The following FAH variants were observed in gnomAD, a reference collection of about 807,000 sequenced individuals.
FAH encodes the protein fumarylacetoacetase.
In FAH, 47 loss-of-function variants were observed where a neutral mutation model predicts 55.8. The observed-to-expected ratio is 0.84, with a 90% CI of 0.67 to 1.07. The LOEUF (loss-of-function observed/expected upper bound fraction) is 1.07, where lower values mean the gene tolerates loss of function less well. Among genes scored for constraint, FAH ranks in the 50% least tolerant of loss-of-function variants. The probability of loss-of-function intolerance (pLI) is 0.00; values close to 1 mark genes in which losing one functional copy is unlikely to be tolerated. For missense variants in FAH, 495 were observed against 545.9 expected, an observed-to-expected ratio of 0.91 and a Z score of 0.93; for synonymous variants, 199 against 207.7, an observed-to-expected ratio of 0.96 and a Z score of 0.36.
chr15:80,177,629 GA>G (rs780465806), intron 11 of FAH, 46 bp downstream of exon 11: 1 of 1,552,656 alleles, frequency 6.4e-7, no homozygotes, highest in Admixed American at 1.7e-5. Flanking sequence ...TTGAGGGAAA[GA>G]GAGACTTTTC....
At chr15:80,170,310 A>G (rs1256345048) in intron 7 of FAH, among the ~76,000 whole-genome samples, 1 of 152,148 alleles carries the variant, frequency 6.6e-6, no homozygotes, top group East Asian at 1.9e-4. Flanking sequence ...CTGATGGTGT[A>G]GAAGAAGCTG....
chr15:80,186,142 G>A lies in FAH; in HGVS notation c.1193G>A (p.Gly398Glu), dbSNP rs141946827. 1.7e-4 allele frequency: 275 copies of A among 1,614,016 alleles called. No individual in the cohort carries two copies. Among genetic ancestry groups the A allele is most frequent in the Non-Finnish European group, 2.3e-4 (268 of 1,179,982 alleles). The change falls in exon 14 of 14, where the codon GGG (glycine) becomes GAG (glutamate). Residue 398 changes from glycine (G) to glutamate (E), a missense_variant. Physicochemically the swap from Gly to Glu is moderately conservative, Grantham distance 98. Transcript: ENST00000561421. ...TCCTCTGTTCCAGGGTACTGCCAGG[G>A]GGATGGTTACCGCATCGGCTTTGGC... Reference protein sequence around the residue: ...DEVIITGYCQGDGYRIGFGQC... With the variant: ...DEVIITGYCQEDGYRIGFGQC...
intron 9 of FAH, 25 bp from the exon 10 acceptor site, chr15:80,174,991 T>C: frequency 6.2e-7 from 1 of 1,612,106 alleles, no homozygotes; most frequent in Non-Finnish European, 8.5e-7. Context: ...GCCAGTGACC[T>C]CTGTGCTGTG....
rs1182195282 is a variant in FAH at position 80,168,098 on chromosome 15, G to A, written c.502G>A (p.Val168Met). The A allele has an allele frequency of 1.2e-6, 2 of 1,614,058 alleles. No homozygotes were observed. The highest frequency in any genetic ancestry group is 2.7e-5 in the African/African-American group (2 of 74,918). ...GYHGRASSVVVSGTPIRRPMG... is the reference protein window; with the variant it reads ...GYHGRASSVVMSGTPIRRPMG... ...CCATGGCCGTGCCTCCTCTGTCGTG[G>A]TGTCTGGCACCCCAATCCGAAGGCC... is the stretch of plus-strand genomic sequence containing the variant. Residue 168 changes from valine (V) to methionine (M), a missense_variant, in exon 6 of 14, where the codon GTG (valine) becomes ATG (methionine). Physicochemically the swap from Val to Met is conservative, Grantham distance 21. Coordinates refer to ENST00000561421, the MANE Select transcript of FAH (RefSeq NM_000137.4).
chr15:80,179,301 T>C (rs2041310289), intron 11 of FAH, among the ~76,000 whole-genome samples: 1 of 152,254 alleles, frequency 6.6e-6, no homozygotes, highest in Admixed American at 6.5e-5. Context: ...TTTCTTGGCC[T>C]TTTGAATATC....
intron 11 of FAH, among the ~76,000 whole-genome samples, chr15:80,177,918 A>G (rs1304916718): frequency 1.3e-5 from 2 of 152,190 alleles, no homozygotes; most frequent in Non-Finnish European, 2.9e-5. Flanking sequence ...CATAATATAC[A>G]TAGATAAAAA....
intron 5 of FAH, among the ~76,000 whole-genome samples, chr15:80,164,260 C>T (rs1418103766): frequency 2.6e-5 from 4 of 152,162 alleles, no homozygotes; most frequent in Non-Finnish European, 5.9e-5. Context: ...TAGAGGTTGC[C>T]TGTATCCCTT....
chr15:80,168,336 T>C lies in FAH; in HGVS notation c.606+20T>C. ...GAAATGGTAAGTGAGCTTGATGTTT[T>C]ATTGCCATGGGATCTATAGACACCC... On this transcript the variant is annotated intron_variant, in intron 7 of 13. Transcript: ENST00000561421. 6.2e-7 allele frequency: 1 copy of C among 1,611,972 alleles called. No individual in the cohort carries two copies. Among genetic ancestry groups the C allele is most frequent in the Admixed American group, 1.7e-5 (1 of 60,016 alleles).
chr15:80,184,329 G>T (rs554206397), intron 13 of FAH, among the ~76,000 whole-genome samples: 2 of 152,170 alleles, frequency 1.3e-5, no homozygotes, highest in East Asian at 3.9e-4. Context: ...CAGTGGTGGC[G>T]TCTTTCACCT....
At chr15:80,182,079 G>A (rs28665646) in intron 13 of FAH, among the ~76,000 whole-genome samples, 2,503 of 152,234 alleles carry the variant, frequency 0.016, 66 homozygotes, top group African/African-American at 0.057. Context: ...AAACTCTGGG[G>A]AGCGTCTGTC....
chr15:80,177,651 G>A, intron 11 of FAH, 68 bp downstream of exon 11: 3 of 1,397,762 alleles, frequency 2.1e-6, no homozygotes, highest in Non-Finnish European at 3.1e-6. Flanking sequence ...TTCCTGGCAG[G>A]AACAGGAGGA....
intron 7 of FAH, among the ~76,000 whole-genome samples, chr15:80,171,349 A>G (rs1239518276): frequency 1.3e-5 from 2 of 152,258 alleles, no homozygotes; most frequent in Non-Finnish European, 2.9e-5. Flanking sequence ...TTGTAGGGAC[A>G]TGGATGAAAC....
intron 5 of FAH, chr15:80,163,033 A>G (rs1234629020): frequency 1.3e-5 from 2 of 156,764 alleles, no homozygotes; most frequent in Non-Finnish European, 2.8e-5. Flanking sequence ...CCCCAGTGCC[A>G]TCAGTCACAC....
intron 5 of FAH, chr15:80,163,662 G>A (rs1476103770): frequency 2.6e-5 from 4 of 152,126 alleles, no homozygotes; most frequent in African/African-American, 9.7e-5. Flanking sequence ...TTATTATAAA[G>A]GTAACATATA....
chr15:80,186,776 C>A, downstream of FAH: 1 of 190,236 alleles, frequency 5.3e-6, no homozygotes, highest in Non-Finnish European at 1.1e-5. Flanking sequence ...TGAAGGCCAT[C>A]AACTGATTAG....
chr15:80,180,059 G>A, intron 11 of FAH, 65 bp from the exon 12 acceptor site: 3 of 1,127,678 alleles, frequency 2.7e-6, no homozygotes, highest in Non-Finnish European at 2.6e-6. Flanking sequence ...GCTGTGCCCA[G>A]CTGCCTCCGG....
chr15:80,162,717 G>A (rs887752385), intron 5 of FAH: 13 of 336,898 alleles, frequency 3.9e-5, no homozygotes, highest in Non-Finnish European at 7.5e-5. Flanking sequence ...AATGTGCCCA[G>A]TGCTGTATAT....
At chr15:80,169,700 A>AT (rs2041223931) in intron 7 of FAH, among the ~76,000 whole-genome samples, 1 of 151,776 alleles carries the variant, frequency 6.6e-6, no homozygotes, top group African/African-American at 2.4e-5. Flanking sequence ...TGCCTGGCTA[A>AT]TTTTTTGTAT....
Position 80,162,238 on chromosome 15 carries a change from C to T in FAH, c.365-8C>T. The T allele has an allele frequency of 6.2e-7, 1 of 1,612,530 alleles. No individual in the cohort carries two copies. The highest frequency in any genetic ancestry group is 8.5e-7 in the Non-Finnish European group (1 of 1,178,588). ...GCTGATGGGATCTGTTGGGTCTTTC[C>T]TCTGCAGGAGACTACACAGACTTCT... On this transcript the variant is annotated splice_polypyrimidine_tract_variant and splice_region_variant and intron_variant, in intron 4 of 13. Transcript: ENST00000561421.
Sources: allele counts gnomAD v4.1 joint callset (sites outside exome capture counted in the v4.1 genomes callset), GRCh38; gene constraint gnomAD v4.1.1; transcripts MANE v1.5; gene names NCBI Gene and HGNC (gene_info 2026-07-23, HGNC 2026-07-21).